The following BRAF variants were observed in gnomAD, a reference collection of about 807,000 sequenced individuals.
BRAF encodes the protein B-Raf proto-oncogene, serine/threonine kinase.
In BRAF, 16 loss-of-function variants were observed where a neutral mutation model predicts 104.6. The observed-to-expected ratio is 0.15, with a 90% CI of 0.10 to 0.23. The LOEUF (loss-of-function observed/expected upper bound fraction) is 0.23. Ranked by LOEUF, BRAF falls within the 10% of genes least tolerant of loss-of-function variation. The pLI is 1.00. For missense variants in BRAF, 541 were observed against 937.3 expected, an observed-to-expected ratio of 0.58 and a Z score of 5.52; for synonymous variants, 310 against 341.6, an observed-to-expected ratio of 0.91 and a Z score of 1.02.
intron 1 of BRAF, among the ~76,000 whole-genome samples, chr7:140,916,940 G>C (rs1586650500): frequency 6.6e-6 from 1 of 152,068 alleles, no homozygotes; most frequent in South Asian, 2.1e-4. Flanking sequence ...ATTAGCCTAA[G>C]AAAACACACA....
At chr7:140,770,794 G>A (rs1043441509) in intron 14 of BRAF, among the ~76,000 whole-genome samples, 1 of 151,946 alleles carries the variant, frequency 6.6e-6, no homozygotes, top group Non-Finnish European at 1.5e-5. Context: ...TTAGCCAGGT[G>A]TGGTGGTGGG....
At chr7:140,756,963 T>G (rs567151006) in intron 14 of BRAF, among the ~76,000 whole-genome samples, 42 of 152,126 alleles carry the variant, frequency 2.8e-4, no homozygotes, top group Non-Finnish European at 4.1e-4. Context: ...TGCCCCAAAT[T>G]AAAAGCAATA....
At chr7:140,741,718 G>A (rs1274314968) in intron 17 of BRAF, 1 of 152,106 alleles carries the variant, frequency 6.6e-6, no homozygotes, top group East Asian at 1.9e-4. Context: ...CAGCACTTTG[G>A]GAGGCTGAGG....
At chr7:140,760,021 C>G (rs1011626601) in intron 14 of BRAF, among the ~76,000 whole-genome samples, 3 of 152,192 alleles carry the variant, frequency 2.0e-5, no homozygotes, top group African/African-American at 7.2e-5. Flanking sequence ...GTGTGATCAA[C>G]TGTATCAGAT....
chr7:140,758,194 T>C (rs1798362092), intron 14 of BRAF: 1 of 152,172 alleles, frequency 6.6e-6, no homozygotes, highest in Non-Finnish European at 1.5e-5. Flanking sequence ...GAGTCTCTCC[T>C]TGGGTGACCA....
Position 140,726,532 on chromosome 7 carries a change from A to G in BRAF, c.2402-16T>C, listed in dbSNP as rs1370715626. 6.5e-7 allele frequency: 1 copy of G among 1,530,748 alleles called. No homozygotes were observed. The highest frequency in any genetic ancestry group is 1.4e-5 in the African/African-American group (1 of 72,950). The allele number at this position is 1,530,748 out of a possible 1,614,324, so 94.8% of individuals were successfully genotyped here. A position where few individuals can be genotyped will look rare whatever the true frequency, so the allele number is the denominator to read the frequency against. On this transcript the variant is annotated splice_polypyrimidine_tract_variant and intron_variant, in intron 19 of 19. Transcript: ENST00000644969. ...GCAAATTCTCCTGTAGAGGGAGGAC[A>G]AGAGCTAATTTTAAAAAAGTCATCT... is the stretch of plus-strand genomic sequence containing the variant.
In BRAF at chr7:140,720,214, A is replaced by G; in HGVS notation, c.*6280T>C. 9.4e-7 allele frequency: 1 copy of G among 1,062,714 alleles called. No homozygotes were observed. Among genetic ancestry groups the G allele is most frequent in the Non-Finnish European group, 1.1e-6 (1 of 877,676 alleles). 65.8% of individuals were successfully genotyped at this position (1,062,714 alleles called of 1,614,324 possible). On this transcript the variant is annotated 3_prime_UTR_variant, in exon 20 of 20. Coordinates refer to ENST00000644969, the MANE Select transcript of BRAF (RefSeq NM_001374258.1). Reference sequence around the variant, plus strand: ...GAAAGGATCAGATGTACAACCAACAAATGAGATTACCACAAATACATATCA... The same window carrying G: ...GAAAGGATCAGATGTACAACCAACAGATGAGATTACCACAAATACATATCA...
intron 6 of BRAF, among the ~76,000 whole-genome samples, 155 bp from the exon 7 acceptor site, chr7:140,800,636 T>A (rs554066105): frequency 2.8e-4 from 43 of 152,216 alleles, no homozygotes; most frequent in East Asian, 3.9e-4. Context: ...AGGCTTATTT[T>A]AAAAAAAATT....
intron 3 of BRAF, among the ~76,000 whole-genome samples, chr7:140,813,699 A>G (rs1418504061): frequency 6.6e-6 from 1 of 152,252 alleles, no homozygotes; most frequent in African/African-American, 2.4e-5. Flanking sequence ...AAAATTATGT[A>G]TGAAACAAAA....
At chr7:140,860,243 G>A (rs1302156305) in intron 1 of BRAF, among the ~76,000 whole-genome samples, 1 of 151,952 alleles carries the variant, frequency 6.6e-6, no homozygotes. Context: ...ATATTTCCAG[G>A]GTAAGTGGCC....
intron 5 of BRAF, among the ~76,000 whole-genome samples, chr7:140,807,324 A>AT (rs1420132619): frequency 2.0e-5 from 3 of 152,200 alleles, no homozygotes; most frequent in South Asian, 2.1e-4. Flanking sequence ...TATGTAACAG[A>AT]TTTTTTATAA....
intron 7 of BRAF, among the ~76,000 whole-genome samples, chr7:140,795,597 G>A (rs561605675): frequency 2.4e-4 from 36 of 152,318 alleles, no homozygotes; most frequent in African/African-American, 7.9e-4. Flanking sequence ...AAGAGCCAAG[G>A]AAGCCTAACA....
At position 140,720,102 on chromosome 7, in the gene BRAF, G is replaced by A; in HGVS notation, c.*6392C>T. ...AATGACAACTACTGAATAAAATTCA[G>A]AGACACATGTTGATGAATGATCAAA... On this transcript the variant is annotated 3_prime_UTR_variant, in exon 20 of 20. Transcript: ENST00000644969. 3.8e-6 allele frequency: 4 copies of A among 1,060,876 alleles called. No homozygotes were observed. Among genetic ancestry groups the A allele is most frequent in the Non-Finnish European group, 4.6e-6 (4 of 876,550 alleles). The allele number at this position is 1,060,876 out of a possible 1,614,324, so 65.7% of individuals were successfully genotyped here.
At chr7:140,804,798 AC>A (rs1803491606) in intron 5 of BRAF, among the ~76,000 whole-genome samples, 2 of 151,136 alleles carry the variant, frequency 1.3e-5, no homozygotes, top group African/African-American at 4.9e-5. Context: ...TCAAAAGTCT[AC>A]TTTTCTTTTT....
chr7:140,734,351 C>CT, intron 19 of BRAF: 2 of 1,343,170 alleles, frequency 1.5e-6, no homozygotes, highest in Non-Finnish European at 1.9e-6. Flanking sequence ...AAAGTAAAGC[C>CT]TCTAGAAGAG....
At chr7:140,813,957 G>A (rs1355487843) in intron 3 of BRAF, among the ~76,000 whole-genome samples, 1 of 151,970 alleles carries the variant, frequency 6.6e-6, no homozygotes, top group Non-Finnish European at 1.5e-5. Flanking sequence ...GAGAAAATTG[G>A]ATGTATATTT....
chr7:140,891,487 C>T (rs57764941), intron 1 of BRAF, among the ~76,000 whole-genome samples: 12,816 of 152,006 alleles, frequency 0.084, 1,709 homozygotes, highest in African/African-American at 0.29. Context: ...ACTGTATTAT[C>T]TTGTATTTGT....
chr7:140,812,784 T>C (rs1804424843), intron 3 of BRAF, among the ~76,000 whole-genome samples: 1 of 152,104 alleles, frequency 6.6e-6, no homozygotes, highest in Non-Finnish European at 1.5e-5. Flanking sequence ...TGAAATGGGG[T>C]AAAGATGAAC....
At chr7:140,867,186 G>C (rs554267305) in intron 1 of BRAF, among the ~76,000 whole-genome samples, 59 of 152,012 alleles carry the variant, frequency 3.9e-4, no homozygotes, top group African/African-American at 1.4e-3. Context: ...TTACAGATGA[G>C]GAAACAGGGA....
Sources: gnomAD v4.1 joint callset for allele counts (sites outside exome capture counted in the v4.1 genomes callset) on GRCh38, gnomAD v4.1.1 for gene constraint, MANE v1.5 for transcripts, NCBI Gene and HGNC (gene_info 2026-07-23, HGNC 2026-07-21) for gene names.